SLC26A9: variants seen among roughly 807,000 people sequenced by gnomAD.
The protein encoded by SLC26A9 is solute carrier family 26 member 9, also known as anion transporter/exchanger protein 9.
A neutral mutation model predicts 87.1 loss-of-function variants in SLC26A9; 46 were observed. That is an observed-to-expected ratio of 0.53 (90% CI 0.42 to 0.67). The LOEUF is 0.67. Ranked by LOEUF, SLC26A9 falls within the 30% of genes least tolerant of loss-of-function variation. SLC26A9 has a pLI of 0.00. For missense variants in SLC26A9, 927 were observed against 1,018.3 expected, an observed-to-expected ratio of 0.91 and a Z score of 1.22; for synonymous variants, 437 against 409.1, an observed-to-expected ratio of 1.07 and a Z score of -0.82.
chr1:205,937,255 A>G (rs1303147264), intron 1 of SLC26A9, among the ~76,000 whole-genome samples: 1 of 152,168 alleles, frequency 6.6e-6, no homozygotes, highest in East Asian at 1.9e-4. Context: ...GCAGAAGCGA[A>G]GGTGGGAGAA....
At chr1:205,919,055 T>G (rs1658714428) in intron 18 of SLC26A9, 70 bp from the exon 19 acceptor site, 2 of 1,590,484 alleles carry the variant, frequency 1.3e-6, no homozygotes, top group East Asian at 2.2e-5. Context: ...GTGGGGAAGA[T>G]AGTGAGACCA....
At chr1:205,938,971 TA>T (rs553020581) in intron 1 of SLC26A9, among the ~76,000 whole-genome samples, 164 of 152,298 alleles carry the variant, frequency 1.1e-3, no homozygotes, top group South Asian at 8.1e-3. Context: ...GAGCACCAGA[TA>T]CTAGGGAGTC....
intron 12 of SLC26A9, 63 bp from the exon 13 acceptor site, chr1:205,924,552 C>A (rs1658989134): frequency 6.8e-7 from 1 of 1,471,412 alleles, no homozygotes. Context: ...AGGAAGTCTT[C>A]CTGGATTAGC....
At chr1:205,934,416 A>G (rs1659427397) in intron 2 of SLC26A9, among the ~76,000 whole-genome samples, 2 of 152,190 alleles carry the variant, frequency 1.3e-5, no homozygotes, top group African/African-American at 4.8e-5. Context: ...TTATGAATAG[A>G]GAGCTGGCTA....
At chr1:205,941,350 T>TTAG (rs1659736742) in intron 1 of SLC26A9, among the ~76,000 whole-genome samples, 1 of 152,112 alleles carries the variant, frequency 6.6e-6, no homozygotes, top group African/African-American at 2.4e-5. Flanking sequence ...TTTTATATTT[T>TTAG]TAGTAGAGAC....
intron 11 of SLC26A9, 112 bp from the exon 12 acceptor site, chr1:205,926,742 T>G: frequency 1.2e-6 from 1 of 834,396 alleles, no homozygotes; most frequent in South Asian, 1.5e-5. Flanking sequence ...CTGGAACACC[T>G]CCCCTGGCTG....
rs960940781 is a variant in SLC26A9, at chr1:205,932,634, C to T, written c.376+68G>A. The T allele has an allele frequency of 1.5e-5, 19 of 1,309,558 alleles. No homozygotes were observed. The Admixed American group carries it at 2.1e-4, about 14-fold the overall frequency. 81.1% of individuals were successfully genotyped at this position (1,309,558 alleles called of 1,614,324 possible). ...AATGCAGATGGAAAATCTCCCGAGG[C>T]CCCTTTGCCACACCTCCCATCCTTG... On this transcript the variant is annotated intron_variant, in intron 4 of 20. Coordinates refer to ENST00000367135, the MANE Select transcript of SLC26A9 (RefSeq NM_052934.4).
chr1:205,936,819 T>C (rs1659527077), intron 1 of SLC26A9, among the ~76,000 whole-genome samples: 2 of 152,270 alleles, frequency 1.3e-5, no homozygotes, highest in East Asian at 1.9e-4. Context: ...GAGTAACTAC[T>C]TGGGGGCTAG....
intron 17 of SLC26A9, among the ~76,000 whole-genome samples, chr1:205,920,453 T>G (rs914948648): frequency 6.6e-6 from 1 of 152,198 alleles, no homozygotes; most frequent in African/African-American, 2.4e-5. Context: ...TTTGCCAACG[T>G]GGCGGGCACT....
Position 205,918,820 on chromosome 1 carries a change from C to T in SLC26A9, c.2256+20G>A, listed in dbSNP as rs1237003054. The T allele has an allele frequency of 6.2e-7, 1 of 1,603,666 alleles. No individual in the cohort carries two copies. On this transcript the variant is annotated intron_variant, in intron 19 of 20. Coordinates refer to ENST00000367135, the MANE Select transcript of SLC26A9 (RefSeq NM_052934.4). The stretch of plus-strand genomic sequence containing the variant: ...TTCAGTGCCTTGGAGCCTAGGATTC[C>T]CCAGGTGCAAGAACCTTACCCCTTG...
At chr1:205,930,529 A>T (rs1261649682) in intron 5 of SLC26A9, among the ~76,000 whole-genome samples, 1 of 152,122 alleles carries the variant, frequency 6.6e-6, no homozygotes, top group African/African-American at 2.4e-5. Context: ...GTCTCCCAAC[A>T]GGTCCCCTGC....
intron 17 of SLC26A9, among the ~76,000 whole-genome samples, chr1:205,921,296 G>A (rs1212650778): frequency 6.6e-6 from 1 of 152,188 alleles, no homozygotes; most frequent in Admixed American, 6.5e-5. Context: ...GACTTGGGAT[G>A]GCCACTGCTG....
chr1:205,941,990 C>T (rs966502389), intron 1 of SLC26A9, among the ~76,000 whole-genome samples: 5 of 152,204 alleles, frequency 3.3e-5, no homozygotes, highest in Non-Finnish European at 7.3e-5. Flanking sequence ...AGGGGTGGCT[C>T]TGCCCCTTCC....
rs763439894 is a variant in SLC26A9, at chr1:205,923,599, G to A, written c.1511C>T (p.Ala504Val). ...VFQTQFRNGY[A>V]LAQVMDTDIY... The stretch of plus-strand genomic sequence containing the variant: ...GTCAGTGTCCATGACCTGGGCCAGT[G>A]CATAGCCATTTCGACTGGATGAAGC... Residue 504 changes from alanine to valine, a missense_variant, in exon 14 of 21, where the codon GCA becomes GTA. By Grantham distance (64) the Ala-to-Val change is moderately conservative. Coordinates refer to ENST00000367135, the MANE Select transcript of SLC26A9 (RefSeq NM_052934.4). 1 of 1,614,228 alleles carries A rather than the reference G, an allele frequency of 6.2e-7. No individual in the cohort carries two copies.
At chr1:205,939,916 GC>G (rs1659667421) in intron 1 of SLC26A9, among the ~76,000 whole-genome samples, 1 of 152,164 alleles carries the variant, frequency 6.6e-6, no homozygotes, top group African/African-American at 2.4e-5. Flanking sequence ...TACAAGCCCT[GC>G]CCCCACCACC....
At chr1:205,927,080 C>T (rs1659100784) in intron 11 of SLC26A9, 131 bp downstream of exon 11, 1 of 892,648 alleles carries the variant, frequency 1.1e-6, no homozygotes, top group East Asian at 2.4e-5. Flanking sequence ...GCATTGTCTA[C>T]CTCACAGTTT....
At chr1:205,926,707 G>T in intron 11 of SLC26A9, 77 bp from the exon 12 acceptor site, 1 of 1,170,874 alleles carries the variant, frequency 8.5e-7, no homozygotes, top group Non-Finnish European at 1.3e-6. Context: ...CCGACCCCAA[G>T]GCCTGGCAGG....
chr1:205,933,150 G>T, intron 2 of SLC26A9, 66 bp from the exon 3 acceptor site: 1 of 1,595,368 alleles, frequency 6.3e-7, no homozygotes, highest in Non-Finnish European at 8.6e-7. Context: ...GTTGGAGAGG[G>T]ATTATCATAT....
chr1:205,942,238 G>C (rs1304578134), intron 1 of SLC26A9, among the ~76,000 whole-genome samples: 1 of 152,238 alleles, frequency 6.6e-6, no homozygotes, highest in Non-Finnish European at 1.5e-5. Flanking sequence ...GCTAGCTCTG[G>C]GAAGTGCCTG....
Sources: gnomAD v4.1 joint callset for allele counts (sites outside exome capture counted in the v4.1 genomes callset) on GRCh38, gnomAD v4.1.1 for gene constraint, MANE v1.5 for transcripts, NCBI Gene and HGNC (gene_info 2026-07-23, HGNC 2026-07-21) for gene names.